CEP104: variants seen among roughly 807,000 people sequenced by gnomAD.
CEP104 encodes the protein centrosomal protein 104, also known as centrosomal protein of 104 kDa.
CEP104 carries 84 observed loss-of-function variants against 113.3 expected under a neutral mutation model. The observed-to-expected ratio is 0.74, with a 90% CI of 0.62 to 0.89. The LOEUF (loss-of-function observed/expected upper bound fraction) is 0.89. CEP104 is among the 40% of genes least tolerant of loss of function. The pLI is 0.00. For missense variants in CEP104, 1,053 were observed against 1,156.6 expected, an observed-to-expected ratio of 0.91 and a Z score of 1.30; for synonymous variants, 378 against 421.7, an observed-to-expected ratio of 0.90 and a Z score of 1.27.
chr1:3,822,155 G>A (rs1643988415), intron 20 of CEP104, among the ~76,000 whole-genome samples: 1 of 152,204 alleles, frequency 6.6e-6, no homozygotes, highest in Admixed American at 6.5e-5. Flanking sequence ...ACCGTGACAA[G>A]GGAGAGTCCT....
intron 6 of CEP104, 84 bp from the exon 7 acceptor site, chr1:3,839,860 C>T: frequency 5.6e-6 from 6 of 1,069,430 alleles, no homozygotes; most frequent in East Asian, 2.4e-5. Flanking sequence ...GAAGATGCCC[C>T]TCCCCATCCT....
intron 12 of CEP104, among the ~76,000 whole-genome samples, chr1:3,832,002 G>T (rs541143444): frequency 6.6e-6 from 1 of 152,140 alleles, no homozygotes; most frequent in Non-Finnish European, 1.5e-5. Context: ...TGTGTATTTC[G>T]TCCACTAACC....
In CEP104 at chr1:3,831,313, A is replaced by G. The variant is rs547457791; in HGVS notation, c.1660-91T>C. 7.8e-6 allele frequency: 8 copies of G among 1,028,290 alleles called. No individual in the cohort carries two copies. The South Asian group carries it at 1.2e-4, about 16-fold the overall frequency. The allele number at this position is 1,028,290 out of a possible 1,614,324, so 63.7% of individuals were successfully genotyped here. ...AGCATGATCTTAAACTAAACACTGA[A>G]GGGAAAAACAGGGAAATACAGATTG... On this transcript the variant is annotated intron_variant, in intron 12 of 21. Coordinates refer to ENST00000378230, the MANE Select transcript of CEP104 (RefSeq NM_014704.4).
chr1:3,839,466 A>C, intron 7 of CEP104, 142 bp downstream of exon 7: 1 of 779,238 alleles, frequency 1.3e-6, no homozygotes, highest in Non-Finnish European at 2.1e-6. Flanking sequence ...CTGTCTCCGT[A>C]ACTTTATTTT....
chr1:3,844,106 CTAAAGAA>C (rs1644463966), intron 6 of CEP104, among the ~76,000 whole-genome samples: 1 of 152,096 alleles, frequency 6.6e-6, no homozygotes, highest in Admixed American at 6.5e-5. Flanking sequence ...TTTCACTCCT[CTAAAGAA>C]TAAACTTTTG....
chr1:3,848,598 T>G lies in CEP104; in HGVS notation c.287+10A>C. 1 of 1,598,204 alleles carries G rather than the reference T, an allele frequency of 6.3e-7. No individual in the cohort carries two copies. ...AAGCTGCCATGATACATTTTAAATT[T>G]CATTCTTACCCAAGTCTTCGAAACC... On this transcript the variant is annotated intron_variant, in intron 3 of 21. Coordinates refer to ENST00000378230, the MANE Select transcript of CEP104 (RefSeq NM_014704.4).
At chr1:3,850,420 C>T (rs1026670373) in intron 2 of CEP104, among the ~76,000 whole-genome samples, 4 of 152,176 alleles carry the variant, frequency 2.6e-5, no homozygotes, top group African/African-American at 7.2e-5. Context: ...CCAGGGGCTA[C>T]GGTTGGTGCA....
Position 3,837,373 on chromosome 1 carries a change from T to C in CEP104, c.1038A>G (p.Ser346=). ...GAGGAGAAATAGTTAGAGAATATGA[T>C]GAAGGCTTTTCCTGAAGGAAAGGTT... ...FAEPFLQEKP[S]SYSLTISPQH... The change falls in exon 9 of 22, where the codon TCA becomes TCG. Residue 346 remains serine, a synonymous_variant. Coordinates refer to ENST00000378230, the MANE Select transcript of CEP104 (RefSeq NM_014704.4). The C allele has an allele frequency of 8.1e-6, 13 of 1,614,206 alleles. No individual in the cohort carries two copies. The highest frequency in any genetic ancestry group is 1.0e-5 in the Non-Finnish European group (12 of 1,180,032).
Position 3,815,186 on chromosome 1 carries a change from C to T in CEP104, c.*216G>A, listed in dbSNP as rs1394641731. The T allele has an allele frequency of 1.8e-6, 1 of 567,816 alleles. No individual in the cohort carries two copies. Among genetic ancestry groups the T allele is most frequent in the Non-Finnish European group, 3.2e-6 (1 of 316,264 alleles). 35.2% of individuals were successfully genotyped at this position (567,816 alleles called of 1,614,324 possible). A position where few individuals can be genotyped will look rare whatever the true frequency, so the allele number is the denominator to read the frequency against. ...CTGAAGGCTTAATGTACAGTGCGGC[C>T]AGGTCCTGGCACTGCACGCAGGATC... On this transcript the variant is annotated 3_prime_UTR_variant, in exon 22 of 22. Transcript: ENST00000378230.
chr1:3,829,861 T>A lies in CEP104; in HGVS notation c.1973A>T (p.Asn658Ile), dbSNP rs184118413. The A allele has an allele frequency of 6.2e-7, 1 of 1,614,232 alleles. No individual in the cohort carries two copies. The highest frequency in any genetic ancestry group is 2.2e-5 in the East Asian group (1 of 44,888). Reference protein sequence around the residue: ...LPPDDSNTRRNILYKTIFEGF... With the variant: ...LPPDDSNTRRIILYKTIFEGF... Reference sequence around the variant, plus strand: ...CTCAAAAATTGTTTTGTAGAGAATGTTCCTGCGTGTGTTGCTGTCGTCTGG... The same window carrying A: ...CTCAAAAATTGTTTTGTAGAGAATGATCCTGCGTGTGTTGCTGTCGTCTGG... Residue 658 changes from asparagine to isoleucine, a missense_variant, in exon 14 of 22, where the codon AAC becomes ATC. By Grantham distance (149) the Asn-to-Ile change is moderately radical. Coordinates refer to ENST00000378230, the MANE Select transcript of CEP104 (RefSeq NM_014704.4).
chr1:3,829,371 T>C lies in CEP104; in HGVS notation c.2046A>G (p.Ala682=), dbSNP rs1259629720. ...CTTCTTCTGTAGCCGCTTTTCTCCG[T>C]GCCTGGTAAGAAAATTATTTTTCCA... The part of the protein sequence containing the change: ...DGRATDAEMR[A]RRKAATEEAE... Residue 682 remains alanine, a splice_region_variant and synonymous_variant, in exon 15 of 22, where the codon GCA becomes GCG. Transcript: ENST00000378230. 6.2e-7 allele frequency: 1 copy of C among 1,608,014 alleles called. No individual in the cohort carries two copies. The highest frequency in any genetic ancestry group is 1.1e-5 in the South Asian group (1 of 89,474).
At chr1:3,851,865 T>C (rs1311787009) in intron 2 of CEP104, among the ~76,000 whole-genome samples, 1 of 152,166 alleles carries the variant, frequency 6.6e-6, no homozygotes, top group Non-Finnish European at 1.5e-5. Flanking sequence ...GAAAGACATA[T>C]CTTTTGGTTA....
Position 3,848,600 on chromosome 1 carries a change from A to G in CEP104, c.287+8T>C. On this transcript the variant is annotated splice_region_variant and intron_variant, in intron 3 of 21. Coordinates refer to ENST00000378230, the MANE Select transcript of CEP104 (RefSeq NM_014704.4). Reference sequence around the variant, plus strand: ...GCTGCCATGATACATTTTAAATTTCATTCTTACCCAAGTCTTCGAAACCGC... The same window carrying G: ...GCTGCCATGATACATTTTAAATTTCGTTCTTACCCAAGTCTTCGAAACCGC... 2 of 1,600,770 alleles carry G rather than the reference A, an allele frequency of 1.2e-6. No individual in the cohort carries two copies. The highest frequency in any genetic ancestry group is 1.1e-5 in the South Asian group (1 of 88,304).
chr1:3,841,286 C>T (rs549303966), intron 6 of CEP104, among the ~76,000 whole-genome samples: 1 of 152,066 alleles, frequency 6.6e-6, no homozygotes, highest in Non-Finnish European at 1.5e-5. Context: ...CACTCACAGC[C>T]CCCCTCTGGC....
chr1:3,847,797 A>T, intron 3 of CEP104, 184 bp from the exon 4 acceptor site: 6 of 577,438 alleles, frequency 1.0e-5, no homozygotes, highest in South Asian at 2.3e-5. Context: ...CCTAGGAAAA[A>T]CCCCTAGAAC....
At chr1:3,849,471 T>A (rs1008016979) in intron 2 of CEP104, among the ~76,000 whole-genome samples, 1 of 152,052 alleles carries the variant, frequency 6.6e-6, no homozygotes, top group African/African-American at 2.4e-5. Context: ...GCTCAGGGGA[T>A]CCTCCCCCTT....
chr1:3,832,238 C>CGTAACCAGGAGTGTATT (rs70940328), intron 12 of CEP104, among the ~76,000 whole-genome samples: 160 of 141,840 alleles, frequency 1.1e-3, no homozygotes, highest in African/African-American at 3.7e-3. Context: ...CACATTAGGT[C>CGTAACCAGGAGTGTATT]GTAACCAGGA....
rs1643844343 is a variant in CEP104 at position 3,814,531 on chromosome 1, C to G, written c.*871G>C. 6.6e-6 allele frequency: 1 copy of G among 152,246 alleles called. No individual in the cohort carries two copies. The highest frequency in any genetic ancestry group is 1.5e-5 in the Non-Finnish European group (1 of 68,036). 9.4% of individuals were successfully genotyped at this position (152,246 alleles called of 1,614,324 possible). A position where few individuals can be genotyped will look rare whatever the true frequency, so the allele number is the denominator to read the frequency against. The stretch of plus-strand genomic sequence containing the variant: ...GGAGGCCCATACCAGTGGGCTTCTG[C>G]CTGCTGTGAACACAGGGTGATCAGG... On this transcript the variant is annotated 3_prime_UTR_variant, in exon 22 of 22. Coordinates refer to ENST00000378230, the MANE Select transcript of CEP104 (RefSeq NM_014704.4).
chr1:3,837,605 T>TAGA (rs1310249805), intron 8 of CEP104, 86 bp from the exon 9 acceptor site: 1 of 1,179,396 alleles, frequency 8.5e-7, no homozygotes, highest in African/African-American at 1.5e-5. Context: ...AATAAGACTT[T>TAGA]AGAAAGCTGT....
Sources: gnomAD v4.1 joint callset for allele counts (sites outside exome capture counted in the v4.1 genomes callset) on GRCh38, gnomAD v4.1.1 for gene constraint, MANE v1.5 for transcripts, NCBI Gene and HGNC (gene_info 2026-07-23, HGNC 2026-07-21) for gene names.